The following WIPF1 variants were observed in gnomAD, a reference collection of about 807,000 sequenced individuals.
WIPF1 encodes the protein WAS/WASL-interacting protein family member 1.
A neutral mutation model predicts 35.4 loss-of-function variants in WIPF1; 13 were observed. The ratio of observed to expected loss-of-function variants is 0.37; its 90% CI spans 0.24 to 0.58. The LOEUF is 0.58. Among genes scored for constraint, WIPF1 ranks in the 20% least tolerant of loss-of-function variants. WIPF1 has a pLI of 0.74. For synonymous variants in WIPF1, 267 were observed against 266.3 expected, an observed-to-expected ratio of 1.00 and a Z score of -0.02; for missense variants, 591 against 667.0, an observed-to-expected ratio of 0.89 and a Z score of 1.25.
At position 174,574,767 on chromosome 2, in the gene WIPF1, A is replaced by G. The variant is rs187505783; in HGVS notation, c.358+437T>C. ...CTTTTTCAGATTTAGTGAGATTTGT[A>G]ATCATATTCCACAAGATGTGCTCCA... is the stretch of plus-strand genomic sequence containing the variant. On this transcript the variant is annotated intron_variant, in intron 4 of 7. Coordinates refer to ENST00000679041, the MANE Select transcript of WIPF1 (RefSeq NM_001375834.1). 1.1e-3 allele frequency: 726 copies of G among 661,436 alleles called. 2 individuals carry two copies. The African/African-American group carries it at 0.012, about 11-fold the overall frequency. 41.0% of individuals were successfully genotyped at this position (661,436 alleles called of 1,614,324 possible).
At chr2:174,568,181 T>C in intron 5 of WIPF1, 108 bp from the exon 6 acceptor site, 1 of 1,274,934 alleles carries the variant, frequency 7.8e-7, no homozygotes, top group Non-Finnish European at 1.1e-6. Flanking sequence ...TGCCCTTTAA[T>C]TAGGGTGATT....
intron 1 of WIPF1, among the ~76,000 whole-genome samples, chr2:174,666,929 CAA>C (rs1244022022): frequency 6.6e-6 from 1 of 152,244 alleles, no homozygotes; most frequent in East Asian, 1.9e-4. Flanking sequence ...CAGAAAAACA[CAA>C]AGAGATCCCT....
intron 3 of WIPF1, among the ~76,000 whole-genome samples, chr2:174,577,929 A>AC (rs1553527283): frequency 1.7e-4 from 25 of 151,208 alleles, no homozygotes; most frequent in African/African-American, 4.8e-4. Context: ...AAAAAAAAAA[A>AC]GGGGGATAAA....
chr2:174,637,593 C>G (rs1687209729), intron 1 of WIPF1, among the ~76,000 whole-genome samples: 1 of 152,220 alleles, frequency 6.6e-6, no homozygotes, highest in Non-Finnish European at 1.5e-5. Context: ...CGAGACCATG[C>G]TGGCTAACAC....
chr2:174,605,789 T>A (rs1049576621), intron 1 of WIPF1, among the ~76,000 whole-genome samples: 4 of 152,162 alleles, frequency 2.6e-5, no homozygotes, highest in African/African-American at 9.7e-5. Context: ...CACAGCAGTT[T>A]GTTACACAGT....
chr2:174,612,854 T>C (rs1419522059), intron 1 of WIPF1, among the ~76,000 whole-genome samples: 1 of 152,256 alleles, frequency 6.6e-6, no homozygotes, highest in African/African-American at 2.4e-5. Context: ...AAAAGCTCCA[T>C]GATTTTTCAT....
intron 3 of WIPF1, among the ~76,000 whole-genome samples, chr2:174,575,870 G>A (rs181933262): frequency 1.3e-5 from 2 of 152,142 alleles, no homozygotes; most frequent in East Asian, 1.9e-4. Context: ...AAAGAGGGTC[G>A]CAAGGGAGGA....
intron 1 of WIPF1, among the ~76,000 whole-genome samples, chr2:174,653,531 C>G (rs1361059697): frequency 6.6e-6 from 1 of 151,530 alleles, no homozygotes; most frequent in Non-Finnish European, 1.5e-5. Context: ...GTCAGGAGAT[C>G]GAGACCATCC....
intron 1 of WIPF1, among the ~76,000 whole-genome samples, chr2:174,650,678 G>C (rs371674137): frequency 6.6e-5 from 10 of 152,344 alleles, no homozygotes; most frequent in African/African-American, 2.4e-4. Context: ...CAGAGAAACA[G>C]GTATCTAAAT....
intron 5 of WIPF1, among the ~76,000 whole-genome samples, chr2:174,570,086 T>C (rs1014076780): frequency 2.6e-5 from 4 of 152,228 alleles, no homozygotes; most frequent in African/African-American, 9.6e-5. Context: ...AATATATCAC[T>C]GCATTATCTG....
At position 174,574,514 on chromosome 2, in the gene WIPF1, C is replaced by T. The variant is rs182860087; in HGVS notation, c.358+690G>A. ...AAAATGAAAATTATTATAACATGATCAACATTACAAAAGCAGTTTTATGGT... is the reference window on the plus strand; with the variant it reads ...AAAATGAAAATTATTATAACATGATTAACATTACAAAAGCAGTTTTATGGT... On this transcript the variant is annotated intron_variant, in intron 4 of 7. Coordinates refer to ENST00000679041, the MANE Select transcript of WIPF1 (RefSeq NM_001375834.1). Among the ~76,000 whole-genome samples the T allele has an allele frequency of 1.9e-3, 289 of 152,250 alleles. 2 individuals are homozygous for T. Among genetic ancestry groups the T allele is most frequent in the South Asian group, 5.4e-3 (26 of 4,810 alleles).
chr2:174,607,831 C>A (rs1686219870), intron 1 of WIPF1, among the ~76,000 whole-genome samples: 1 of 152,224 alleles, frequency 6.6e-6, no homozygotes, highest in Non-Finnish European at 1.5e-5. Flanking sequence ...GCCCCAACAA[C>A]TTAGAACAGT....
rs189384199 is a variant in WIPF1 at position 174,674,560 on chromosome 2, T to G, written c.-39+8214A>C. On this transcript the variant is annotated intron_variant, in intron 1 of 8. Coordinates refer to the WIPF1 transcript ENST00000272746. ...CAATTAAGCTCTGTAAGTCCAGCCATGAACTTTTCTTTTTCAGTTCTAGAA... is the reference window on the plus strand; with the variant it reads ...CAATTAAGCTCTGTAAGTCCAGCCAGGAACTTTTCTTTTTCAGTTCTAGAA... Among the ~76,000 whole-genome samples the G allele has an allele frequency of 2.8e-3, 422 of 152,316 alleles. 3 individuals carry two copies. Among genetic ancestry groups the G allele is most frequent in the Admixed American group, 5.3e-3 (81 of 15,294 alleles).
At chr2:174,640,609 G>GTATT (rs1334526400) in intron 1 of WIPF1, among the ~76,000 whole-genome samples, 1 of 151,544 alleles carries the variant, frequency 6.6e-6, no homozygotes, top group African/African-American at 2.4e-5. Flanking sequence ...ATGTATGTAT[G>GTATT]TATTTATTTA....
intron 1 of WIPF1, among the ~76,000 whole-genome samples, chr2:174,655,231 A>G (rs1009525566): frequency 6.6e-6 from 1 of 152,066 alleles, no homozygotes; most frequent in Non-Finnish European, 1.5e-5. Flanking sequence ...ATCCCCTGAG[A>G]TCCATACCAT....
intron 1 of WIPF1, among the ~76,000 whole-genome samples, chr2:174,648,888 G>T (rs1574859619): frequency 6.6e-6 from 1 of 152,296 alleles, no homozygotes; most frequent in Middle Eastern, 3.4e-3. Context: ...ACTGCCTTGG[G>T]CTATGCAAAT....
chr2:174,679,488 A>C (rs891788016), intron 1 of WIPF1, among the ~76,000 whole-genome samples: 1 of 151,898 alleles, frequency 6.6e-6, no homozygotes, highest in Non-Finnish European at 1.5e-5. Context: ...AAAAAGGTGA[A>C]GATACAAAGA....
At chr2:174,671,987 C>T (rs1688028609) in intron 1 of WIPF1, among the ~76,000 whole-genome samples, 1 of 152,192 alleles carries the variant, frequency 6.6e-6, no homozygotes, top group Non-Finnish European at 1.5e-5. Flanking sequence ...CACTCCCTCC[C>T]CTTTGAAAAT....
intron 1 of WIPF1, among the ~76,000 whole-genome samples, chr2:174,681,103 T>G (rs1182272180): frequency 6.6e-6 from 1 of 152,244 alleles, no homozygotes; most frequent in East Asian, 1.9e-4. Context: ...CAAATCTCTT[T>G]GCACTACGTC....
Sources: gnomAD v4.1 joint callset for allele counts (sites outside exome capture counted in the v4.1 genomes callset) on GRCh38, gnomAD v4.1.1 for gene constraint, MANE v1.5 for transcripts, NCBI Gene and HGNC (gene_info 2026-07-23, HGNC 2026-07-21) for gene names.